KLF12: variants seen among roughly 807,000 people sequenced by gnomAD.
KLF12 encodes the protein Krueppel-like factor 12.
In KLF12, 9 loss-of-function variants were observed where a neutral mutation model predicts 37.8. That is an observed-to-expected ratio of 0.24 (90% confidence interval 0.14 to 0.42). The LOEUF (loss-of-function observed/expected upper bound fraction) is 0.42. Ranked by LOEUF, KLF12 falls within the 10% of genes least tolerant of loss-of-function variation. The probability of loss-of-function intolerance (pLI) is 1.00; values close to 1 mark genes in which losing one functional copy is unlikely to be tolerated. For missense variants in KLF12, 411 were observed against 516.0 expected (o/e 0.80, Z 1.97); for synonymous variants, 208 against 202.1 (o/e 1.03, Z -0.25).
intron 3 of KLF12, among the ~76,000 whole-genome samples, chr13:73,926,207 A>G (rs908325967): frequency 1.3e-5 from 2 of 152,218 alleles, no homozygotes; most frequent in Admixed American, 6.5e-5. Context: ...CTTTTATGAA[A>G]GAAGAGTCAA....
intron 5 of KLF12, among the ~76,000 whole-genome samples, chr13:73,775,590 T>G (rs1469461519): frequency 1.3e-5 from 2 of 152,250 alleles, no homozygotes; most frequent in Non-Finnish European, 2.9e-5. Context: ...ATTAAGGTTC[T>G]AGTTCTTTAT....
At chr13:74,194,993 G>A in the KLF12 span, among the ~76,000 whole-genome samples, 1 of 152,078 alleles carries the variant, frequency 6.6e-6, no homozygotes, top group Non-Finnish European at 1.5e-5. Flanking sequence ...GACTTCTTAG[G>A]TGAATTAGCT....
At chr13:74,247,299 G>A in the KLF12 span, among the ~76,000 whole-genome samples, 1 of 152,134 alleles carries the variant, frequency 6.6e-6, no homozygotes, top group South Asian at 2.1e-4. Context: ...CAGATCTGAT[G>A]GTGTGCAGGG....
the KLF12 span, among the ~76,000 whole-genome samples, chr13:74,232,728 T>C: frequency 6.6e-6 from 1 of 152,166 alleles, no homozygotes; most frequent in African/African-American, 2.4e-5. Context: ...ACATTTTGAA[T>C]AGCTTTTCTA....
At chr13:73,800,913 A>C (rs1377599652) in intron 5 of KLF12, 1 of 152,110 alleles carries the variant, frequency 6.6e-6, no homozygotes, top group Non-Finnish European at 1.5e-5. Context: ...TATTCTGAAA[A>C]TATGTTGGCA....
chr13:74,243,130 G>C, the KLF12 span, among the ~76,000 whole-genome samples: 1 of 151,770 alleles, frequency 6.6e-6, no homozygotes, highest in African/African-American at 2.4e-5. Context: ...GACAGGCCCC[G>C]GTGTGTGATA....
chr13:74,200,078 G>A, the KLF12 span, among the ~76,000 whole-genome samples: 1 of 152,108 alleles, frequency 6.6e-6, no homozygotes, highest in Non-Finnish European at 1.5e-5. Flanking sequence ...GGCAGTGGGA[G>A]AAACACAAGG....
At chr13:74,239,124 G>A in the KLF12 span, among the ~76,000 whole-genome samples, 1 of 144,220 alleles carries the variant, frequency 6.9e-6, no homozygotes, top group Non-Finnish European at 1.5e-5. Context: ...GCGTCCCAGA[G>A]ATTCTGGTAT....
At chr13:74,290,008 T>G in the KLF12 span, among the ~76,000 whole-genome samples, 1 of 152,140 alleles carries the variant, frequency 6.6e-6, no homozygotes, top group Admixed American at 6.5e-5. Flanking sequence ...AGGATGACAG[T>G]TCCTCACAGA....
the KLF12 span, among the ~76,000 whole-genome samples, chr13:74,299,420 A>C: frequency 1.3e-5 from 2 of 152,068 alleles, no homozygotes; most frequent in African/African-American, 2.4e-5. Flanking sequence ...TTACTTCATA[A>C]ATTGGAGTGG....
In KLF12 at chr13:74,131,110, C is replaced by T. The variant is rs140084801; in HGVS notation, c.-32+2629G>A. 2.2e-4 allele frequency among the ~76,000 whole-genome samples: 33 copies of T among 152,314 alleles called. No homozygotes were observed. In the East Asian group the frequency reaches 6.4e-3, roughly 29 times the overall value. ...CAGCATAGGCCTAGAGGCCTAAGCA[C>T]TTACGTTGTCTCTGCAGAGATAAAA... On this transcript the variant is annotated intron_variant, in intron 1 of 7. Coordinates refer to ENST00000377669, the MANE Select transcript of KLF12 (RefSeq NM_007249.5).
the KLF12 span, among the ~76,000 whole-genome samples, chr13:74,251,414 G>A: frequency 6.6e-6 from 1 of 152,126 alleles, no homozygotes; most frequent in East Asian, 1.9e-4. Flanking sequence ...CCAAAGGGCT[G>A]GGATTACAGG....
chr13:74,092,858 T>A (rs1875757089), intron 1 of KLF12, among the ~76,000 whole-genome samples: 1 of 152,176 alleles, frequency 6.6e-6, no homozygotes, highest in African/African-American at 2.4e-5. Context: ...TCGTTAGTTA[T>A]CAGGGAAATG....
At chr13:74,061,016 T>C (rs1873561894) in intron 1 of KLF12, among the ~76,000 whole-genome samples, 1 of 152,232 alleles carries the variant, frequency 6.6e-6, no homozygotes, top group Non-Finnish European at 1.5e-5. Context: ...TGGGTTACCA[T>C]GTGTGGTCCA....
chr13:74,115,864 A>AT (rs1381114520), intron 1 of KLF12, among the ~76,000 whole-genome samples: 3 of 152,126 alleles, frequency 2.0e-5, no homozygotes, highest in Non-Finnish European at 4.4e-5. Flanking sequence ...TTGTCACTGA[A>AT]TTTAGAGCTT....
intron 4 of KLF12, among the ~76,000 whole-genome samples, chr13:73,840,591 T>G (rs1884686850): frequency 6.6e-6 from 1 of 152,058 alleles, no homozygotes; most frequent in African/African-American, 2.4e-5. Context: ...TTCCCTCATA[T>G]CCCACCATCC....
intron 5 of KLF12, 131 bp downstream of exon 5, chr13:73,813,021 T>C: frequency 1.1e-6 from 1 of 911,758 alleles, no homozygotes; most frequent in Non-Finnish European, 1.7e-6. Flanking sequence ...TTCAGCTGAA[T>C]GAAAAGCTGC....
chr13:74,025,510 G>C (rs60972150), intron 1 of KLF12, among the ~76,000 whole-genome samples: 2 of 151,968 alleles, frequency 1.3e-5, no homozygotes, highest in African/African-American at 4.8e-5. Context: ...GCTACAAGTG[G>C]GTTGTGAACA....
chr13:73,867,492 A>G (rs1886234668), intron 3 of KLF12, among the ~76,000 whole-genome samples: 1 of 152,114 alleles, frequency 6.6e-6, no homozygotes, highest in South Asian at 2.1e-4. Flanking sequence ...GCAAAGGCAT[A>G]AAGAACTAAA....
Sources: allele counts gnomAD v4.1 joint callset (sites outside exome capture counted in the v4.1 genomes callset), GRCh38; gene constraint gnomAD v4.1.1; transcripts MANE v1.5; gene names NCBI Gene and HGNC (gene_info 2026-07-23, HGNC 2026-07-21).